TMEM14A: variants seen among roughly 807,000 people sequenced by gnomAD.
TMEM14A encodes the protein transmembrane protein 14A.
Under a neutral mutation model 11.6 loss-of-function variants are expected in TMEM14A, and 8 were observed. That is an observed-to-expected ratio of 0.69 (90% CI 0.40 to 1.24). TMEM14A has a LOEUF of 1.24. Ranked by LOEUF, TMEM14A falls within the 50% of genes most tolerant of loss-of-function variation. The probability of loss-of-function intolerance (pLI) is 0.01; values close to 1 mark genes in which losing one functional copy is unlikely to be tolerated. For synonymous variants in TMEM14A, 34 were observed against 45.5 expected (o/e 0.75, Z 1.02); for missense variants, 108 against 121.9 (o/e 0.89, Z 0.54).
chr6:52,680,592 T>TAC lies in TMEM14A; in HGVS notation c.71-1221_71-1220insAC, dbSNP rs1491360201. 2.2e-5 allele frequency among the ~76,000 whole-genome samples: 2 copies of TAC among 92,836 alleles called. 1 individual carries two copies. The highest frequency in any genetic ancestry group is 5.8e-4 in the East Asian group (2 of 3,448). 60.9% of individuals were successfully genotyped at this position (92,836 alleles called of 152,430 possible). A position where few individuals can be genotyped will look rare whatever the true frequency, so the allele number is the denominator to read the frequency against. ...TTCTAAGCCACTATATATTTATATA[T>TAC]TTATATATATATATATATATGTATA... On this transcript the variant is annotated intron_variant, in intron 2 of 4. Coordinates refer to ENST00000211314, the MANE Select transcript of TMEM14A (RefSeq NM_014051.4).
intron 4 of TMEM14A, among the ~76,000 whole-genome samples, 179 bp from the exon 5 acceptor site, chr6:52,685,831 C>T (rs1769483237): frequency 6.6e-6 from 1 of 152,174 alleles, no homozygotes; most frequent in African/African-American, 2.4e-5. Flanking sequence ...ATTTAGCGAA[C>T]ATTTTAAAGT....
intron 4 of TMEM14A, among the ~76,000 whole-genome samples, chr6:52,685,717 G>C (rs938204589): frequency 6.6e-6 from 1 of 152,086 alleles, no homozygotes; most frequent in Non-Finnish European, 1.5e-5. Flanking sequence ...TTTTCAAGTT[G>C]CTTTATTTTA....
intron 1 of TMEM14A, 75 bp from the exon 2 acceptor site, chr6:52,677,012 C>G: frequency 7.5e-7 from 1 of 1,336,426 alleles, no homozygotes; most frequent in Non-Finnish European, 1.1e-6. Flanking sequence ...ACCATATAAG[C>G]GTATCATTTT....
chr6:52,686,316 T>C lies in TMEM14A; in HGVS notation c.*267T>C. On this transcript the variant is annotated 3_prime_UTR_variant, in exon 5 of 5. Transcript: ENST00000211314. ...TTTGTTGTGTCTATTTTTTATATAT[T>C]TGGTATTTTTTGAAAATTCCAAATA... The C allele has an allele frequency of 2.5e-6, 1 of 397,412 alleles. No individual in the cohort carries two copies. Among genetic ancestry groups the C allele is most frequent in the East Asian group, 3.6e-5 (1 of 27,892 alleles). 24.6% of individuals were successfully genotyped at this position (397,412 alleles called of 1,614,324 possible).
rs1332881768 is a variant in TMEM14A, at chr6:52,680,607, A to ATG, written c.71-1205_71-1204insGT. On this transcript the variant is annotated intron_variant, in intron 2 of 4. Transcript: ENST00000211314. Reference sequence around the variant, plus strand: ...TATTTATATATTTATATATATATATATATATGTATATATATGTGTATATAT... The same window carrying ATG: ...TATTTATATATTTATATATATATATATGTATATGTATATATATGTGTATATAT... Among the ~76,000 whole-genome samples the ATG allele has an allele frequency of 1.9e-3, 211 of 113,168 alleles. 5 individuals are homozygous for ATG. The highest frequency in any genetic ancestry group is 0.013 in the South Asian group (44 of 3,492). 74.2% of individuals were successfully genotyped at this position (113,168 alleles called of 152,430 possible). A position where few individuals can be genotyped will look rare whatever the true frequency, so the allele number is the denominator to read the frequency against.
Position 52,684,070 on chromosome 6 carries a change from G to T in TMEM14A, c.173-8G>T. ...AAACTCTGGTTCATGAATTAGTTTG[G>T]TTTTCAGTTACAGCTTTCTTCCTGG... On this transcript the variant is annotated splice_region_variant and splice_polypyrimidine_tract_variant and intron_variant, in intron 3 of 4. Coordinates refer to ENST00000211314, the MANE Select transcript of TMEM14A (RefSeq NM_014051.4). 2 of 1,611,290 alleles carry T rather than the reference G, an allele frequency of 1.2e-6. No homozygotes were observed. Among genetic ancestry groups the T allele is most frequent in the Non-Finnish European group, 1.7e-6 (2 of 1,179,158 alleles).
At chr6:52,677,746 A>G (rs1424929870) in intron 2 of TMEM14A, among the ~76,000 whole-genome samples, 1 of 152,176 alleles carries the variant, frequency 6.6e-6, no homozygotes, top group Non-Finnish European at 1.5e-5. Context: ...TATATACACA[A>G]CCTTTAGTCA....
At chr6:52,680,064 A>G (rs1769334978) in intron 2 of TMEM14A, among the ~76,000 whole-genome samples, 2 of 151,988 alleles carry the variant, frequency 1.3e-5, no homozygotes, top group South Asian at 4.2e-4. Flanking sequence ...GGTGCATTAA[A>G]TCAGTATTTA....
At chr6:52,675,175 G>A (rs761952723) in intron 1 of TMEM14A, among the ~76,000 whole-genome samples, 1 of 152,068 alleles carries the variant, frequency 6.6e-6, no homozygotes, top group African/African-American at 2.4e-5. Context: ...GAGCTACCTC[G>A]CCTGGCCCCT....
chr6:52,681,532 C>T (rs1307654722), intron 2 of TMEM14A, among the ~76,000 whole-genome samples: 2 of 152,188 alleles, frequency 1.3e-5, no homozygotes, highest in Non-Finnish European at 2.9e-5. Flanking sequence ...AGTGTCCAAG[C>T]CACCAGAACA....
chr6:52,677,670 A>T (rs77912991), intron 2 of TMEM14A, among the ~76,000 whole-genome samples: 3 of 152,122 alleles, frequency 2.0e-5, no homozygotes, highest in Non-Finnish European at 4.4e-5. Flanking sequence ...GAAAGGTCAA[A>T]TTTTTTTATT....
Position 52,686,532 on chromosome 6 carries a change from C to T in TMEM14A, c.*483C>T, listed in dbSNP as rs1376256424. 1 of 379,888 alleles carries T rather than the reference C, an allele frequency of 2.6e-6. No individual in the cohort carries two copies. Among genetic ancestry groups the T allele is most frequent in the East Asian group, 3.7e-5 (1 of 27,328 alleles). The allele number at this position is 379,888 out of a possible 1,614,324, so 23.5% of individuals were successfully genotyped here. A position where few individuals can be genotyped will look rare whatever the true frequency, so the allele number is the denominator to read the frequency against. ...TTTAAAAAATTTTATTCTTAGCACA[C>T]TGTTATGTCCTAACTGAATGTATTC... On this transcript the variant is annotated 3_prime_UTR_variant, in exon 5 of 5. Transcript: ENST00000211314.
chr6:52,678,511 A>G (rs1769305946), intron 2 of TMEM14A, among the ~76,000 whole-genome samples: 1 of 152,182 alleles, frequency 6.6e-6, no homozygotes, highest in Admixed American at 6.5e-5. Flanking sequence ...GGCCTCCTGC[A>G]AGAGCCCCCT....
intron 3 of TMEM14A, among the ~76,000 whole-genome samples, chr6:52,682,938 G>C (rs1005353134): frequency 6.6e-6 from 1 of 151,950 alleles, no homozygotes; most frequent in African/African-American, 2.4e-5. Context: ...TCCAAAATGG[G>C]ATGCTACAAA....
At chr6:52,680,704 T>TATATACATACAC (rs371102796) in intron 2 of TMEM14A, among the ~76,000 whole-genome samples, 1 of 51,102 alleles carries the variant, frequency 2.0e-5, no homozygotes, top group African/African-American at 5.7e-5. Context: ...TATATATATA[T>TATATACATACAC]ACACATATAT....
At chr6:52,680,704 T>TACATATATATATATATATACAC (rs1554137485) in intron 2 of TMEM14A, among the ~76,000 whole-genome samples, 2 of 51,102 alleles carry the variant, frequency 3.9e-5, no homozygotes, top group Non-Finnish European at 8.8e-5. Flanking sequence ...TATATATATA[T>TACATATATATATATATATACAC]ACACATATAT....
chr6:52,673,457 A>C (rs913301867), intron 1 of TMEM14A, among the ~76,000 whole-genome samples: 1 of 118,450 alleles, frequency 8.4e-6, no homozygotes, highest in African/African-American at 2.7e-5. Flanking sequence ...TGCCCAGCTC[A>C]CCACCACTGG....
At chr6:52,681,176 G>C (rs1769385247) in intron 2 of TMEM14A, among the ~76,000 whole-genome samples, 1 of 152,058 alleles carries the variant, frequency 6.6e-6, no homozygotes. Context: ...ACAGTGCTCT[G>C]GGGTGGGTAT....
chr6:52,680,669 G>GTATATATATATATACATATATGTGTA (rs1769361804), intron 2 of TMEM14A, among the ~76,000 whole-genome samples: 1 of 35,968 alleles, frequency 2.8e-5, no homozygotes, highest in Non-Finnish European at 6.1e-5. Flanking sequence ...ATATATATGT[G>GTATATATATATATACATATATGTGTA]TATATATATA....
Sources: allele counts gnomAD v4.1 joint callset (sites outside exome capture counted in the v4.1 genomes callset), GRCh38; gene constraint gnomAD v4.1.1; transcripts MANE v1.5; gene names NCBI Gene and HGNC (gene_info 2026-07-23, HGNC 2026-07-21).